Variants in ATG10 observed in about 807,000 individuals in gnomAD.
ATG10 encodes the protein ubiquitin-like-conjugating enzyme ATG10.
A neutral mutation model predicts 32.1 loss-of-function variants in ATG10; 30 were observed. That is an observed-to-expected ratio of 0.94 (90% CI 0.70 to 1.27). ATG10 has a LOEUF of 1.27. Among genes scored for constraint, ATG10 ranks in the 50% most tolerant of loss-of-function variants. The pLI is 0.00. For synonymous variants in ATG10, 87 were observed against 91.5 expected (o/e 0.95, Z 0.28); for missense variants, 233 against 262.3 (o/e 0.89, Z 0.77).
intron 3 of ATG10, among the ~76,000 whole-genome samples, chr5:82,103,713 T>C (rs1383559449): frequency 6.6e-6 from 1 of 152,090 alleles, no homozygotes; most frequent in African/African-American, 2.4e-5. Flanking sequence ...ATGTATGCCT[T>C]GGGTGGGCTT....
intron 3 of ATG10, among the ~76,000 whole-genome samples, chr5:82,096,252 C>CT (rs760787343): frequency 1.1e-3 from 160 of 152,282 alleles, no homozygotes; most frequent in Non-Finnish European, 1.4e-3. Context: ...TAAGATTTGT[C>CT]TATTTTGTCA....
At chr5:82,177,756 TAAAGAA>T (rs934127853) in intron 4 of ATG10, among the ~76,000 whole-genome samples, 3 of 152,106 alleles carry the variant, frequency 2.0e-5, no homozygotes, top group Non-Finnish European at 2.9e-5. Flanking sequence ...TGAAACAACT[TAAAGAA>T]AAAGAGCATT....
chr5:82,145,455 A>T (rs920168856), intron 3 of ATG10, among the ~76,000 whole-genome samples: 20 of 152,070 alleles, frequency 1.3e-4, no homozygotes, highest in African/African-American at 2.4e-5. Context: ...TAAGATATAC[A>T]TCCTTAATTT....
At chr5:82,242,322 A>T (rs1387096659) in intron 5 of ATG10, among the ~76,000 whole-genome samples, 1 of 152,160 alleles carries the variant, frequency 6.6e-6, no homozygotes, top group Non-Finnish European at 1.5e-5. Flanking sequence ...AATTGTATAT[A>T]TTGTAGCAAA....
intron 2 of ATG10, among the ~76,000 whole-genome samples, chr5:81,996,255 G>T (rs374015290): frequency 3.9e-5 from 6 of 152,232 alleles, no homozygotes; most frequent in South Asian, 2.1e-4. Context: ...AATTGTTAAT[G>T]GTGCTAAGGT....
intron 4 of ATG10, among the ~76,000 whole-genome samples, chr5:82,176,575 C>T (rs146678184): frequency 3.9e-5 from 6 of 152,078 alleles, no homozygotes; most frequent in South Asian, 2.1e-4. Context: ...CACACACACA[C>T]GCATGCGCAC....
At chr5:82,135,948 G>T (rs752304042) in intron 3 of ATG10, among the ~76,000 whole-genome samples, 4 of 152,066 alleles carry the variant, frequency 2.6e-5, no homozygotes, top group Non-Finnish European at 4.4e-5. Flanking sequence ...TCTTCTTGTT[G>T]CATTGATTCC....
At chr5:82,157,196 T>G (rs919606099) in intron 3 of ATG10, among the ~76,000 whole-genome samples, 6 of 152,116 alleles carry the variant, frequency 3.9e-5, no homozygotes, top group South Asian at 2.1e-4. Flanking sequence ...TAATTCACTT[T>G]GGTTGATGTA....
At chr5:82,051,359 C>T (rs912751582) in intron 2 of ATG10, among the ~76,000 whole-genome samples, 1 of 152,104 alleles carries the variant, frequency 6.6e-6, no homozygotes, top group Non-Finnish European at 1.5e-5. Context: ...CCAGCCCTTT[C>T]CCCCAAGAAG....
chr5:82,202,955 G>A (rs762872870), intron 5 of ATG10, among the ~76,000 whole-genome samples: 4 of 152,092 alleles, frequency 2.6e-5, no homozygotes, highest in Non-Finnish European at 5.9e-5. Context: ...GGGGCTGGGT[G>A]TGGTGGCTCA....
chr5:82,125,411 T>C (rs1017754193), intron 3 of ATG10, among the ~76,000 whole-genome samples: 4 of 152,052 alleles, frequency 2.6e-5, no homozygotes, highest in African/African-American at 4.8e-5. Flanking sequence ...AGGGTATTTA[T>C]GGTTTTAGGT....
Position 82,022,022 on chromosome 5 carries a change from CA to C in ATG10, c.108+34361del, listed in dbSNP as rs1218669453. ...TGGGCGACAGAGTGAGACGCTGTCT[CA>C]AAAAAAAAAAAAAAAATTAGCTGGG... On this transcript the variant is annotated intron_variant, in intron 2 of 7. Transcript: ENST00000282185. Among the ~76,000 whole-genome samples, 708 of 109,738 alleles carry C rather than the reference CA, an allele frequency of 6.5e-3. 2 individuals carry two copies. Among genetic ancestry groups the C allele is most frequent in the Admixed American group, 7.7e-3 (82 of 10,588 alleles). The allele number at this position is 109,738 out of a possible 152,430, so 72.0% of individuals were successfully genotyped here. A position where few individuals can be genotyped will look rare whatever the true frequency, so the allele number is the denominator to read the frequency against.
intron 3 of ATG10, among the ~76,000 whole-genome samples, chr5:82,080,856 G>A (rs894350956): frequency 3.9e-5 from 6 of 152,100 alleles, no homozygotes; most frequent in African/African-American, 1.2e-4. Context: ...GCTCTTTTTT[G>A]TTCCGTATGA....
intron 3 of ATG10, among the ~76,000 whole-genome samples, chr5:82,077,632 A>G (rs1271529806): frequency 6.6e-6 from 1 of 152,026 alleles, no homozygotes; most frequent in Non-Finnish European, 1.5e-5. Context: ...TAGTAAACTC[A>G]TTAAGTAAAG....
At chr5:82,202,453 G>A (rs755479478) in intron 5 of ATG10, among the ~76,000 whole-genome samples, 3 of 152,124 alleles carry the variant, frequency 2.0e-5, no homozygotes, top group Non-Finnish European at 4.4e-5. Flanking sequence ...CCAGACATCC[G>A]CAATCATGTT....
intron 3 of ATG10, among the ~76,000 whole-genome samples, chr5:82,106,315 G>A (rs796066922): frequency 5.3e-5 from 8 of 152,224 alleles, no homozygotes; most frequent in African/African-American, 1.9e-4. Flanking sequence ...GTAACTTAAA[G>A]TGGACCTTTC....
At chr5:82,082,469 G>C (rs545951015) in intron 3 of ATG10, among the ~76,000 whole-genome samples, 1 of 152,088 alleles carries the variant, frequency 6.6e-6, no homozygotes, top group Non-Finnish European at 1.5e-5. Flanking sequence ...TCAATTACTT[G>C]ATTAACGTAA....
intron 5 of ATG10, among the ~76,000 whole-genome samples, chr5:82,226,332 C>A (rs1746129550): frequency 6.6e-6 from 1 of 152,100 alleles, no homozygotes; most frequent in African/African-American, 2.4e-5. Context: ...CATTTCCACA[C>A]TGCATCTTAC....
At chr5:82,079,938 C>G (rs1764415479) in intron 3 of ATG10, among the ~76,000 whole-genome samples, 1 of 152,154 alleles carries the variant, frequency 6.6e-6, no homozygotes, top group Admixed American at 6.5e-5. Context: ...GAGGAATCGC[C>G]ACACTGTCTT....
Sources: allele counts gnomAD v4.1 joint callset (sites outside exome capture counted in the v4.1 genomes callset), GRCh38; gene constraint gnomAD v4.1.1; transcripts MANE v1.5; gene names NCBI Gene and HGNC (gene_info 2026-07-23, HGNC 2026-07-21).